The following DNAH14 variants were observed in gnomAD, a reference collection of about 807,000 sequenced individuals.
DNAH14 encodes dynein axonemal heavy chain 14.
In DNAH14, 478 loss-of-function variants were observed where a neutral mutation model predicts 520.9. The observed-to-expected ratio is 0.92, with a 90% CI of 0.85 to 0.99. The LOEUF (loss-of-function observed/expected upper bound fraction) is 0.99. DNAH14 is among the 50% of genes least tolerant of loss of function. The pLI, the probability that DNAH14 is intolerant of heterozygous loss-of-function variation, is 0.00. For synonymous variants in DNAH14, 1,581 were observed against 1,757.2 expected, an observed-to-expected ratio of 0.90 and a Z score of 2.51; for missense variants, 4,831 against 5,234.5, an observed-to-expected ratio of 0.92 and a Z score of 2.38.
At chr1:225,341,534 C>T (rs1455716803) in intron 69 of DNAH14, among the ~76,000 whole-genome samples, 1 of 152,064 alleles carries the variant, frequency 6.6e-6, no homozygotes, top group Non-Finnish European at 1.5e-5. Context: ...GACTTGGTGG[C>T]GCATGCCTGT....
At chr1:225,306,930 T>TG (rs1222000484) in intron 58 of DNAH14, among the ~76,000 whole-genome samples, 1 of 151,984 alleles carries the variant, frequency 6.6e-6, no homozygotes, top group Non-Finnish European at 1.5e-5. Flanking sequence ...GGGGTAGATA[T>TG]GGGGGGAGAA....
In DNAH14 at chr1:225,320,138, G is replaced by C. The variant is rs147467073; in HGVS notation, c.9335+1461G>C. Among the ~76,000 whole-genome samples, 161 of 152,262 alleles carry C rather than the reference G, an allele frequency of 1.1e-3. 1 individual carries two copies. The Middle Eastern group carries it at 0.014, about 13-fold the overall frequency. On this transcript the variant is annotated intron_variant, in intron 61 of 85. Transcript: ENST00000682510. ...AATTTCTGAGGGGTGGTGTGTCATA[G>C]TGGTTAAGCACATGGGCTCTGATAC...
intron 55 of DNAH14, among the ~76,000 whole-genome samples, chr1:225,296,181 T>C (rs920668083): frequency 2.0e-5 from 3 of 152,166 alleles, no homozygotes; most frequent in African/African-American, 7.2e-5. Context: ...GTCTTGTTTT[T>C]CATCCATTCA....
chr1:225,385,701 T>A (rs1224617990), intron 81 of DNAH14, among the ~76,000 whole-genome samples: 1 of 152,130 alleles, frequency 6.6e-6, no homozygotes, highest in Non-Finnish European at 1.5e-5. Context: ...CAAGGAGAAC[T>A]ACAAACCACT....
intron 36 of DNAH14, among the ~76,000 whole-genome samples, chr1:225,180,946 A>C (rs1347005866): frequency 6.6e-6 from 1 of 152,158 alleles, no homozygotes; most frequent in Non-Finnish European, 1.5e-5. Context: ...CATAGTACAC[A>C]ATAGGAATTT....
At chr1:224,997,628 G>A (rs1572347305) in intron 8 of DNAH14, among the ~76,000 whole-genome samples, 1 of 152,126 alleles carries the variant, frequency 6.6e-6, no homozygotes, top group East Asian at 1.9e-4. Context: ...ATATCAGTCT[G>A]TGTTAATTCT....
intron 27 of DNAH14, among the ~76,000 whole-genome samples, 180 bp downstream of exon 27, chr1:225,123,794 C>G (rs1301853690): frequency 1.3e-5 from 2 of 151,892 alleles, no homozygotes; most frequent in Non-Finnish European, 2.9e-5. Flanking sequence ...TTTCTGTCAC[C>G]CAGGCTGGAG....
intron 20 of DNAH14, among the ~76,000 whole-genome samples, chr1:225,085,029 T>C (rs2073594793): frequency 1.3e-5 from 2 of 152,050 alleles, no homozygotes. Context: ...TTGGCAAGCA[T>C]ATAAGAGAAA....
At position 225,001,410 on chromosome 1, in the gene DNAH14, A is replaced by C. The variant is rs563454410; in HGVS notation, c.831-1373A>C. Among the ~76,000 whole-genome samples the C allele has an allele frequency of 1.4e-3, 213 of 152,196 alleles. 2 individuals are homozygous for C. The highest frequency in any genetic ancestry group is 7.4e-4 in the Non-Finnish European group (50 of 68,004). ...ATGTTCCCTAATACCCAGCAGTTCT[A>C]GTTTGTGTGTGAGTTATGTTGTGGA... On this transcript the variant is annotated intron_variant, in intron 8 of 85. Transcript: ENST00000682510.
intron 12 of DNAH14, among the ~76,000 whole-genome samples, chr1:225,039,643 C>T (rs1371308398): frequency 6.7e-6 from 1 of 149,894 alleles, no homozygotes; most frequent in African/African-American, 2.4e-5. Context: ...GTATTATTTT[C>T]TTGAGATTTA....
At chr1:225,350,176 A>G (rs1180951525) in intron 71 of DNAH14, among the ~76,000 whole-genome samples, 1 of 152,168 alleles carries the variant, frequency 6.6e-6, no homozygotes, top group Non-Finnish European at 1.5e-5. Context: ...ACACACTCTT[A>G]AACACCCAAT....
intron 31 of DNAH14, among the ~76,000 whole-genome samples, chr1:225,150,822 C>T (rs961770584): frequency 2.0e-5 from 3 of 152,048 alleles, no homozygotes; most frequent in East Asian, 1.9e-4. Flanking sequence ...CTCTGCCTCC[C>T]GGGTTCAAGC....
At chr1:225,330,531 T>C (rs951171078) in intron 64 of DNAH14, among the ~76,000 whole-genome samples, 1 of 152,200 alleles carries the variant, frequency 6.6e-6, no homozygotes, top group Non-Finnish European at 1.5e-5. Flanking sequence ...GAGGTCATTA[T>C]GCTAAGTGAA....
chr1:225,121,606 C>T (rs551372811), intron 26 of DNAH14, among the ~76,000 whole-genome samples: 49 of 152,026 alleles, frequency 3.2e-4, no homozygotes, highest in Middle Eastern at 3.4e-3. Flanking sequence ...TTTGGGAGGC[C>T]GAGGTGGGTG....
intron 1 of DNAH14, among the ~76,000 whole-genome samples, chr1:224,945,859 T>G (rs1365829720): frequency 6.6e-6 from 1 of 152,284 alleles, no homozygotes; most frequent in African/African-American, 2.4e-5. Context: ...AAGTTTTGTC[T>G]CAGAGGAGTA....
At chr1:225,076,360 A>G (rs1049802115) in intron 17 of DNAH14, among the ~76,000 whole-genome samples, 1 of 152,154 alleles carries the variant, frequency 6.6e-6, no homozygotes, top group Non-Finnish European at 1.5e-5. Flanking sequence ...TGGGCCTGGT[A>G]TTGGAATAAA....
intron 41 of DNAH14, among the ~76,000 whole-genome samples, chr1:225,228,833 A>G (rs186282058): frequency 1.7e-3 from 262 of 152,312 alleles, no homozygotes; most frequent in Non-Finnish European, 2.8e-3. Context: ...GAGAAATTAT[A>G]GGAAAAGATG....
chr1:225,345,017 A>G (rs1303095807), intron 69 of DNAH14, among the ~76,000 whole-genome samples: 1 of 152,034 alleles, frequency 6.6e-6, no homozygotes, highest in Non-Finnish European at 1.5e-5. Flanking sequence ...CTGGCCAGAA[A>G]CTAGCCATTC....
chr1:225,061,327 A>C (rs2070067030), intron 17 of DNAH14, among the ~76,000 whole-genome samples: 1 of 152,220 alleles, frequency 6.6e-6, no homozygotes, highest in African/African-American at 2.4e-5. Flanking sequence ...CGCTGGATAC[A>C]ATCTCCTGGT....
Sources: allele counts gnomAD v4.1 joint callset (sites outside exome capture counted in the v4.1 genomes callset), GRCh38; gene constraint gnomAD v4.1.1; transcripts MANE v1.5; gene names NCBI Gene and HGNC (gene_info 2026-07-23, HGNC 2026-07-21).